The following RASD2 variants were observed in gnomAD, a reference collection of about 807,000 sequenced individuals.
The protein encoded by RASD2 is RASD family member 2, also known as GTP-binding protein Rhes.
A neutral mutation model predicts 15.8 loss-of-function variants in RASD2; 7 were observed. That is an observed-to-expected ratio of 0.44 (90% CI 0.25 to 0.83). RASD2 has a LOEUF of 0.83. Among genes scored for constraint, RASD2 ranks in the 40% least tolerant of loss-of-function variants. The probability of loss-of-function intolerance (pLI) is 0.20; values close to 1 mark genes in which losing one functional copy is unlikely to be tolerated. For missense variants in RASD2, 274 were observed against 382.8 expected (o/e 0.72, Z 2.37); for synonymous variants, 155 against 153.6 (o/e 1.01, Z -0.07).
chr22:35,536,054 G>C (rs994372665), upstream of RASD2, among the ~76,000 whole-genome samples: 30 of 152,206 alleles, frequency 2.0e-4, no homozygotes, highest in African/African-American at 7.2e-4. Context: ...AGGGATGTTT[G>C]GTGAGGCCTT....
chr22:35,538,661 T>G (rs995424190), upstream of RASD2, among the ~76,000 whole-genome samples: 3 of 152,212 alleles, frequency 2.0e-5, no homozygotes, highest in Non-Finnish European at 4.4e-5. Context: ...CCCTCGCGAC[T>G]GGGATATGGT....
intron 1 of RASD2, among the ~76,000 whole-genome samples, chr22:35,544,104 A>G (rs901157661): frequency 6.6e-6 from 1 of 152,156 alleles, no homozygotes; most frequent in African/African-American, 2.4e-5. Flanking sequence ...GTCTGTACCA[A>G]GCTCTAGGCT....
At chr22:35,545,970 C>CT (rs1291783006) in intron 1 of RASD2, among the ~76,000 whole-genome samples, 2 of 152,096 alleles carry the variant, frequency 1.3e-5, no homozygotes. Context: ...ATAGAAAGCT[C>CT]TGGGTTTGCC....
chr22:35,540,597 AG>A (rs1480270466), upstream of RASD2, among the ~76,000 whole-genome samples: 1 of 152,010 alleles, frequency 6.6e-6, no homozygotes, highest in Admixed American at 6.5e-5. Context: ...GACCGTCATC[AG>A]GAGCCTGGGG....
the RASD2 span, among the ~76,000 whole-genome samples, chr22:35,532,968 C>A: frequency 2.6e-5 from 4 of 152,326 alleles, no homozygotes; most frequent in Admixed American, 1.3e-4. Flanking sequence ...GACTAAGAAT[C>A]CCAGCTCCAT....
rs773539958 is a variant in RASD2 at position 35,546,922 on chromosome 22, G to A, written c.113G>A (p.Arg38His). The A allele has an allele frequency of 1.2e-5, 20 of 1,613,314 alleles. No individual in the cohort carries two copies. Among genetic ancestry groups the A allele is most frequent in the Non-Finnish European group, 1.5e-5 (18 of 1,179,734 alleles). Residue 38 changes from arginine to histidine, a missense_variant, in exon 2 of 3, where the codon CGC becomes CAC. Coordinates refer to ENST00000216127, the MANE Select transcript of RASD2 (RefSeq NM_014310.4). Reference protein sequence around the residue: ...SRVGKSSIVSRFLNGRFEDQY... With the variant: ...SRVGKSSIVSHFLNGRFEDQY... The stretch of plus-strand genomic sequence containing the variant: ...GTGGGCAAGAGCTCCATCGTGTCTC[G>A]CTTCCTCAATGGCCGCTTTGAGGAC...
At chr22:35,535,221 T>C in the RASD2 span, among the ~76,000 whole-genome samples, 8 of 151,962 alleles carry the variant, frequency 5.3e-5, no homozygotes, top group East Asian at 1.9e-4. Context: ...CTGGGCAACA[T>C]AGCAAGACCC....
chr22:35,543,813 C>A (rs738367), intron 1 of RASD2, among the ~76,000 whole-genome samples: 37,497 of 148,684 alleles, frequency 0.25, 6,821 homozygotes, highest in East Asian at 0.64. Context: ...TGCCTCCTCT[C>A]TCTGACTCTT....
At chr22:35,544,234 G>A (rs1213667470) in intron 1 of RASD2, among the ~76,000 whole-genome samples, 1 of 152,230 alleles carries the variant, frequency 6.6e-6, no homozygotes, top group African/African-American at 2.4e-5. Flanking sequence ...AGAAGGACTT[G>A]GGGAGGGGGC....
intron 1 of RASD2, among the ~76,000 whole-genome samples, chr22:35,542,546 T>A (rs1053210799): frequency 1.3e-5 from 2 of 152,200 alleles, no homozygotes; most frequent in African/African-American, 4.8e-5. Flanking sequence ...CCACCTGAGC[T>A]GCCAAGGGTG....
At chr22:35,550,586 C>A (rs1042424749) in intron 2 of RASD2, among the ~76,000 whole-genome samples, 5 of 152,174 alleles carry the variant, frequency 3.3e-5, no homozygotes, top group Non-Finnish European at 7.4e-5. Flanking sequence ...GATTCACAAG[C>A]CTGCCTTGAG....
chr22:35,533,255 G>A, the RASD2 span, among the ~76,000 whole-genome samples: 1 of 152,194 alleles, frequency 6.6e-6, no homozygotes, highest in Non-Finnish European at 1.5e-5. Flanking sequence ...TTTGCTCTGC[G>A]TGTTTCCCAG....
Position 35,551,657 on chromosome 22 carries a change from C to T in RASD2, c.426C>T (p.Asn142=), listed in dbSNP as rs772031079. 1.4e-5 allele frequency: 23 copies of T among 1,613,990 alleles called. No individual in the cohort carries two copies. Among genetic ancestry groups the T allele is most frequent in the South Asian group, 2.2e-5 (2 of 91,088 alleles). The change falls in exon 3 of 3, where the codon AAC becomes AAT. Residue 142 remains asparagine, a synonymous_variant. Transcript: ENST00000216127. The surrounding 1 kb of genome is among the most constrained non-coding windows in gnomAD (Gnocchi z 4.9). ...ELPMVICGNK[N]DHGELCRQVP... is the part of the protein sequence containing the mutation. ...CCATGGTCATCTGTGGCAACAAGAA[C>T]GACCACGGCGAGCTGTGCCGCCAGG...
intron 1 of RASD2, among the ~76,000 whole-genome samples, chr22:35,545,354 T>C (rs776220390): frequency 1.5e-4 from 23 of 152,230 alleles, no homozygotes; most frequent in African/African-American, 2.7e-4. Flanking sequence ...GGAAACCGAC[T>C]TGGGGCATCC....
Position 35,552,064 on chromosome 22 carries a change from G to A in RASD2, c.*32G>A, listed in dbSNP as rs1369348877. ...GATGCTGGGGCGGGGCTTGGCCAGT[G>A]CCTTCAGGGAGGTGGCCCCAGATGC... On this transcript the variant is annotated 3_prime_UTR_variant, in exon 3 of 3. Transcript: ENST00000216127. 1.3e-6 allele frequency: 2 copies of A among 1,574,142 alleles called. No individual in the cohort carries two copies. The highest frequency in any genetic ancestry group is 1.7e-6 in the Non-Finnish European group (2 of 1,163,792).
the RASD2 span, among the ~76,000 whole-genome samples, chr22:35,535,473 A>C: frequency 1.3e-5 from 2 of 152,210 alleles, no homozygotes; most frequent in Non-Finnish European, 2.9e-5. Context: ...CATTATCCAA[A>C]TCTATTGGAA....
upstream of RASD2, among the ~76,000 whole-genome samples, chr22:35,537,109 C>G (rs570985026): frequency 6.6e-6 from 1 of 152,246 alleles, no homozygotes; most frequent in South Asian, 2.1e-4. Context: ...AATAATTTCT[C>G]TTGGACCCCA....
At chr22:35,542,049 G>C (rs1316019264) in intron 1 of RASD2, among the ~76,000 whole-genome samples, 1 of 152,122 alleles carries the variant, frequency 6.6e-6, no homozygotes, top group Non-Finnish European at 1.5e-5. Flanking sequence ...TAGCTGTCTT[G>C]GAGGGCCCGG....
rs905383747 is a variant in RASD2, at chr22:35,550,076, C to G, written c.272-1427C>G. Among the ~76,000 whole-genome samples, 29 of 152,188 alleles carry G rather than the reference C, an allele frequency of 1.9e-4. No individual in the cohort carries two copies. In the East Asian group the frequency reaches 2.9e-3, roughly 15 times the overall value. On this transcript the variant is annotated intron_variant, in intron 2 of 2. Transcript: ENST00000216127. ...AGGAGTTCAAGACCAGCCTGGCTAACACAGTGAAACACCGTCTCTACTAAA... is the reference window on the plus strand; with the variant it reads ...AGGAGTTCAAGACCAGCCTGGCTAAGACAGTGAAACACCGTCTCTACTAAA...
Sources: allele counts gnomAD v4.1 joint callset (sites outside exome capture counted in the v4.1 genomes callset), GRCh38; gene constraint gnomAD v4.1.1; non-coding constraint Gnocchi (gnomAD v3.1); transcripts MANE v1.5; gene names NCBI Gene and HGNC (gene_info 2026-07-23, HGNC 2026-07-21).